The following OSBPL3 variants were observed in gnomAD, a reference collection of about 807,000 sequenced individuals.
OSBPL3 encodes oxysterol-binding protein-related protein 3.
A neutral mutation model predicts 120.1 loss-of-function variants in OSBPL3; 65 were observed. That is an observed-to-expected ratio of 0.54 (90% CI 0.44 to 0.67). OSBPL3 has a LOEUF of 0.67. Ranked by LOEUF, OSBPL3 falls within the 30% of genes least tolerant of loss-of-function variation. The pLI is 0.00. For missense variants in OSBPL3, 1,004 were observed against 1,082.1 expected, an observed-to-expected ratio of 0.93 and a Z score of 1.01; for synonymous variants, 416 against 402.6, an observed-to-expected ratio of 1.03 and a Z score of -0.40.
chr7:24,887,411 C>A (rs1317088008), intron 2 of OSBPL3, among the ~76,000 whole-genome samples: 1 of 152,220 alleles, frequency 6.6e-6, no homozygotes, highest in Non-Finnish European at 1.5e-5. Context: ...CATGTGAGTT[C>A]TGCTTCCAGA....
chr7:24,979,811 A>T, intron 1 of OSBPL3, 75 bp downstream of exon 1: 1 of 650,518 alleles, frequency 1.5e-6, no homozygotes, highest in Non-Finnish European at 1.9e-6. Flanking sequence ...CGCAAACAGC[A>T]GCCCTTCCGA....
chr7:24,970,320 G>A (rs1816866797), intron 1 of OSBPL3, among the ~76,000 whole-genome samples: 1 of 151,988 alleles, frequency 6.6e-6, no homozygotes, highest in Non-Finnish European at 1.5e-5. Flanking sequence ...CGGCCAGGCT[G>A]GTCTCGAACT....
At chr7:24,876,148 C>T (rs1802807626) in intron 2 of OSBPL3, among the ~76,000 whole-genome samples, 1 of 152,130 alleles carries the variant, frequency 6.6e-6, no homozygotes, top group African/African-American at 2.4e-5. Flanking sequence ...ATTTATGGGG[C>T]CTCATTGTGT....
At position 24,827,614 on chromosome 7, in the gene OSBPL3, C is replaced by T. The variant is rs1054539984; in HGVS notation, c.1884+3154G>A. On this transcript the variant is annotated intron_variant, in intron 16 of 22. Transcript: ENST00000313367. This position sits in a 1 kb window ranked among gnomAD's most constrained non-coding sequence, Gnocchi z 5.1. The stretch of plus-strand genomic sequence containing the variant: ...ATCCCCATAGCAGGTCTATTTTTCA[C>T]AGTAAATGCATTTAGTAGCATTCTA... Among the ~76,000 whole-genome samples, 16 of 152,368 alleles carry T rather than the reference C, an allele frequency of 1.1e-4. No individual in the cohort carries two copies. The highest frequency in any genetic ancestry group is 3.8e-4 in the African/African-American group (16 of 41,586).
At chr7:24,866,742 A>T (rs921869506) in intron 5 of OSBPL3, among the ~76,000 whole-genome samples, 4 of 152,192 alleles carry the variant, frequency 2.6e-5, no homozygotes, top group Admixed American at 2.6e-4. Flanking sequence ...TTGAGAAAGA[A>T]ATGCAGAGTA....
At chr7:24,856,733 TAACA>T (rs1799885824) in intron 10 of OSBPL3, among the ~76,000 whole-genome samples, 2 of 152,314 alleles carry the variant, frequency 1.3e-5, no homozygotes, top group South Asian at 4.1e-4. Flanking sequence ...ACAGAGCACC[TAACA>T]AACAGTGAGA....
At position 24,952,199 on chromosome 7, in the gene OSBPL3, C is replaced by T. The variant is rs1367691880; in HGVS notation, c.-150+27687G>A. ...ACTACCCAGACACTGAAATGATGCACAAAATTCTGCTCAATAGGCTGATAT... is the reference window on the plus strand; with the variant it reads ...ACTACCCAGACACTGAAATGATGCATAAAATTCTGCTCAATAGGCTGATAT... On this transcript the variant is annotated intron_variant, in intron 1 of 22. Transcript: ENST00000313367. This position sits in a 1 kb window ranked among gnomAD's most constrained non-coding sequence, Gnocchi z 4.4. Among the ~76,000 whole-genome samples the T allele has an allele frequency of 6.6e-6, 1 of 152,116 alleles. No individual in the cohort carries two copies. The highest frequency in any genetic ancestry group is 1.9e-4 in the East Asian group (1 of 5,196).
rs1798941180 is a variant in OSBPL3 at position 24,849,983 on chromosome 7, G to A, written c.1159-807C>T. Among the ~76,000 whole-genome samples the A allele has an allele frequency of 1.3e-5, 2 of 151,950 alleles. No individual in the cohort carries two copies. Among genetic ancestry groups the A allele is most frequent in the South Asian group, 4.1e-4 (2 of 4,822 alleles). ...AAGAAATAAAGAAAGTGTGCTGTGT[G>A]CTGGGAAGTAGGACTTTGTGAAAGA... is the stretch of plus-strand genomic sequence containing the variant. On this transcript the variant is annotated intron_variant, in intron 11 of 22. Coordinates refer to ENST00000313367, the MANE Select transcript of OSBPL3 (RefSeq NM_015550.4). This position sits in a 1 kb window ranked among gnomAD's most constrained non-coding sequence, Gnocchi z 5.4.
At chr7:24,917,996 G>C (rs1255952160) in intron 1 of OSBPL3, 8 of 751,168 alleles carry the variant, frequency 1.1e-5, no homozygotes, top group Non-Finnish European at 1.3e-5. Flanking sequence ...ATCCTGTCTA[G>C]CTTTCAAATT....
chr7:24,840,897 T>C (rs992667384), intron 13 of OSBPL3, 114 bp from the exon 14 acceptor site: 8 of 574,430 alleles, frequency 1.4e-5, no homozygotes, highest in South Asian at 1.3e-4. Context: ...ACAAATACTC[T>C]TGGGTACTGT....
chr7:24,860,040 A>T (rs559918532), intron 10 of OSBPL3, among the ~76,000 whole-genome samples: 1 of 152,304 alleles, frequency 6.6e-6, no homozygotes, highest in East Asian at 1.9e-4. Flanking sequence ...ACAATATAAA[A>T]ACGTGGGAGT....
chr7:24,952,828 G>A lies in OSBPL3; in HGVS notation c.-150+27058C>T, dbSNP rs751115938. Among the ~76,000 whole-genome samples, 11 of 151,986 alleles carry A rather than the reference G, an allele frequency of 7.2e-5. No homozygotes were observed. Among genetic ancestry groups the A allele is most frequent in the African/African-American group, 2.2e-4 (9 of 41,370 alleles). The stretch of plus-strand genomic sequence containing the variant: ...CCCTACCCAATTCCCTATCAACCCC[G>A]CTTCCCCTCCCCAATCTCATTTAAA... On this transcript the variant is annotated intron_variant, in intron 1 of 22. Transcript: ENST00000313367. The surrounding 1 kb of genome is among the most constrained non-coding windows in gnomAD (Gnocchi z 4.4).
intron 2 of OSBPL3, among the ~76,000 whole-genome samples, chr7:24,885,841 A>G (rs1417354884): frequency 6.6e-6 from 1 of 151,728 alleles, no homozygotes; most frequent in Admixed American, 6.6e-5. Flanking sequence ...ACTCAAGGCT[A>G]TAGGACTCTT....
intron 12 of OSBPL3, among the ~76,000 whole-genome samples, chr7:24,842,883 C>G (rs1797956076): frequency 6.6e-6 from 1 of 152,178 alleles, no homozygotes; most frequent in South Asian, 2.1e-4. Flanking sequence ...TTGAGGTGTC[C>G]CTTGACAAAT....
At position 24,952,414 on chromosome 7, in the gene OSBPL3, A is replaced by T. The variant is rs148996809; in HGVS notation, c.-150+27472T>A. Among the ~76,000 whole-genome samples the T allele has an allele frequency of 4.6e-5, 7 of 152,194 alleles. No homozygotes were observed. Among genetic ancestry groups the T allele is most frequent in the Non-Finnish European group, 8.8e-5 (6 of 68,016 alleles). On this transcript the variant is annotated intron_variant, in intron 1 of 22. Transcript: ENST00000313367. The surrounding 1 kb of genome is among the most constrained non-coding windows in gnomAD (Gnocchi z 4.4). ...ATCTAGGTCTCCTGACATTCAATAC[A>T]ATGCCCTGTAGCAAACCGAAACCTC...
intron 1 of OSBPL3, among the ~76,000 whole-genome samples, chr7:24,931,438 G>T (rs552581816): frequency 6.6e-6 from 1 of 152,044 alleles, no homozygotes. Context: ...TAACCACAAG[G>T]GTCCTTATAA....
chr7:24,801,339 A>C (rs1350290089), intron 22 of OSBPL3, among the ~76,000 whole-genome samples: 2 of 152,126 alleles, frequency 1.3e-5, no homozygotes, highest in African/African-American at 4.8e-5. Context: ...TATATGACAC[A>C]GACCAAATTC....
intron 1 of OSBPL3, chr7:24,906,662 A>G (rs1258305933): frequency 6.6e-6 from 1 of 152,582 alleles, no homozygotes; most frequent in East Asian, 1.9e-4. Flanking sequence ...CTGTTGATGG[A>G]CATTTAGGTT....
chr7:24,844,061 C>A (rs536515931), intron 12 of OSBPL3, among the ~76,000 whole-genome samples: 1 of 152,190 alleles, frequency 6.6e-6, no homozygotes, highest in Non-Finnish European at 1.5e-5. Flanking sequence ...ATATTCCTAG[C>A]CCCTAGCCCT....
Sources: gnomAD v4.1 joint callset for allele counts (sites outside exome capture counted in the v4.1 genomes callset) on GRCh38, gnomAD v4.1.1 for gene constraint, Gnocchi (gnomAD v3.1) non-coding constraint, MANE v1.5 for transcripts, NCBI Gene and HGNC (gene_info 2026-07-23, HGNC 2026-07-21) for gene names.